SSMEM1: variants seen among roughly 807,000 people sequenced by gnomAD.
SSMEM1 encodes serine rich single-pass membrane protein 1, also known as serine-rich single-pass membrane protein 1.
In SSMEM1, 12 loss-of-function variants were observed where a neutral mutation model predicts 9.9. That is an observed-to-expected ratio of 1.21 (90% CI 0.78 to 1.96). The LOEUF (loss-of-function observed/expected upper bound fraction) is 1.96. SSMEM1 is among the 30% of genes most tolerant of loss of function. The pLI is 0.00. For synonymous variants in SSMEM1, 96 were observed against 98.9 expected (o/e 0.97, Z 0.17); for missense variants, 259 against 292.2 (o/e 0.89, Z 0.83).
upstream of SSMEM1, among the ~76,000 whole-genome samples, chr7:130,206,219 C>G (rs907361034): frequency 1.3e-5 from 2 of 152,194 alleles, no homozygotes; most frequent in Non-Finnish European, 2.9e-5. Context: ...GAAAATAAGA[C>G]CTTCCTGGTT....
intron 1 of SSMEM1, 69 bp from the exon 2 acceptor site, chr7:130,213,411 T>G (rs6969994): frequency 0.24 from 311,112 of 1,314,724 alleles, 39,884 homozygotes; most frequent in African/African-American, 0.36. Flanking sequence ...AGCAATAGTG[T>G]TTTATAACAA....
In SSMEM1 at chr7:130,216,582, C is replaced by G; in HGVS notation, c.*112C>G. ...TTTTACAACAAAGTCTCTCTACCAA[C>G]AAACAAAAACATACTTGGAACCCAA... On this transcript the variant is annotated 3_prime_UTR_variant, in exon 3 of 3. Transcript: ENST00000297819. 1.6e-6 allele frequency: 2 copies of G among 1,287,756 alleles called. No homozygotes were observed. Among genetic ancestry groups the G allele is most frequent in the Non-Finnish European group, 2.1e-6 (2 of 939,196 alleles). 79.8% of individuals were successfully genotyped at this position (1,287,756 alleles called of 1,614,324 possible).
At chr7:130,212,730 A>AAAAAAC (rs985468480) in intron 1 of SSMEM1, among the ~76,000 whole-genome samples, 1 of 152,040 alleles carries the variant, frequency 6.6e-6, no homozygotes, top group African/African-American at 2.4e-5. Flanking sequence ...CGTCTCAAAA[A>AAAAAAC]AAAAACAAAA....
intron 2 of SSMEM1, 54 bp from the exon 3 acceptor site, chr7:130,215,920 G>A: frequency 1.3e-6 from 2 of 1,583,548 alleles, no homozygotes; most frequent in Non-Finnish European, 1.7e-6. Flanking sequence ...TAAGTAATAG[G>A]AATTCATAGT....
upstream of SSMEM1, chr7:130,207,015 G>T: frequency 6.2e-6 from 1 of 161,424 alleles, no homozygotes; most frequent in Non-Finnish European, 1.4e-5. Context: ...TAGAATACCG[G>T]TTTCCCACCC....
chr7:130,208,667 T>C (rs2633380), intron 1 of SSMEM1, among the ~76,000 whole-genome samples: 151,243 of 152,332 alleles, frequency 0.99, 75,086 homozygotes, highest in Middle Eastern at 1. Context: ...ATCAAAGATA[T>C]GAAAGTTGTC....
At chr7:130,208,224 A>T (rs1271286030) in intron 1 of SSMEM1, 131 bp downstream of exon 1, 2 of 867,382 alleles carry the variant, frequency 2.3e-6, no homozygotes. Flanking sequence ...ATGCAATCTT[A>T]TTCTGGAGAA....
In SSMEM1 at chr7:130,216,130, A is replaced by G. The variant is rs751525166; in HGVS notation, c.395A>G (p.Gln132Arg). 4 of 1,614,230 alleles carry G rather than the reference A, an allele frequency of 2.5e-6. No individual in the cohort carries two copies. The highest frequency in any genetic ancestry group is 3.4e-6 in the Non-Finnish European group (4 of 1,180,046). Reference sequence around the variant, plus strand: ...CCTGAACAAAGACGAGCCAGGCGCCAGTCTCAGTTCAATGAGGTGAACCAG... The same window carrying G: ...CCTGAACAAAGACGAGCCAGGCGCCGGTCTCAGTTCAATGAGGTGAACCAG... ...AYPEQRRARRQSQFNEVNQNQ... is the reference protein window; with the variant it reads ...AYPEQRRARRRSQFNEVNQNQ... Residue 132 changes from glutamine (Q) to arginine (R), a missense_variant, in exon 3 of 3, where the codon CAG becomes CGG. Gln to Arg is a conservative substitution (Grantham distance 43). Coordinates refer to ENST00000297819, the MANE Select transcript of SSMEM1 (RefSeq NM_145268.4).
At chr7:130,209,438 C>T (rs1018392526) in intron 1 of SSMEM1, among the ~76,000 whole-genome samples, 1 of 152,102 alleles carries the variant, frequency 6.6e-6, no homozygotes, top group African/African-American at 2.4e-5. Context: ...AAATACTTTG[C>T]CAAAAGGAGA....
intron 1 of SSMEM1, among the ~76,000 whole-genome samples, chr7:130,209,120 C>T (rs1798543637): frequency 6.6e-6 from 1 of 152,178 alleles, no homozygotes. Flanking sequence ...GCTTTGGCCT[C>T]CCAAAGTGCT....
At chr7:130,206,753 G>C (rs897582043), upstream of SSMEM1, 3 of 152,774 alleles carry the variant, frequency 2.0e-5, no homozygotes, top group Non-Finnish European at 4.4e-5. Context: ...TTGGGAGGCC[G>C]AGGCGGGCGG....
At position 130,213,484 on chromosome 7, in the gene SSMEM1, C is replaced by CT. The variant is rs771079113; in HGVS notation, c.189dup (p.Glu64Ter). The CT allele has an allele frequency of 6.2e-6, 10 of 1,609,222 alleles. No individual in the cohort carries two copies. Among genetic ancestry groups the CT allele is most frequent in the Non-Finnish European group, 8.5e-6 (10 of 1,177,232 alleles). On this transcript the variant is annotated frameshift_variant, in exon 2 of 3. Coordinates refer to ENST00000297819, the MANE Select transcript of SSMEM1 (RefSeq NM_145268.4). LOFTEE classifies it low-confidence loss of function (END_TRUNC). ...TAACCTATGTTTCTGAAACAGATGT[C>CT]TGAGGATAAAAAGGATGAAGGCAGT...
At chr7:130,212,948 C>T (rs1403970157) in intron 1 of SSMEM1, among the ~76,000 whole-genome samples, 1 of 152,098 alleles carries the variant, frequency 6.6e-6, no homozygotes, top group Non-Finnish European at 1.5e-5. Flanking sequence ...AAAGCATAGT[C>T]TTAATGGGAA....
At chr7:130,213,704 A>C (rs1314739580) in intron 2 of SSMEM1, among the ~76,000 whole-genome samples, 170 bp downstream of exon 2, 3 of 149,262 alleles carry the variant, frequency 2.0e-5, no homozygotes, top group South Asian at 2.1e-4. Context: ...AAAAAAAAAA[A>C]AAAAAAAAAA....
chr7:130,211,928 C>T (rs1345448096), intron 1 of SSMEM1, among the ~76,000 whole-genome samples: 2 of 152,006 alleles, frequency 1.3e-5, no homozygotes, highest in African/African-American at 4.8e-5. Context: ...TATAATTGTA[C>T]CATAATTTAC....
Position 130,216,548 on chromosome 7 carries a change from TGAG to T in SSMEM1, c.*82_*84del, listed in dbSNP as rs1416767646. 44 of 1,500,130 alleles carry T rather than the reference TGAG, an allele frequency of 2.9e-5. No homozygotes were observed. The highest frequency in any genetic ancestry group is 3.9e-5 in the Non-Finnish European group (44 of 1,117,086). 92.9% of individuals were successfully genotyped at this position (1,500,130 alleles called of 1,614,324 possible). A position where few individuals can be genotyped will look rare whatever the true frequency, so the allele number is the denominator to read the frequency against. On this transcript the variant is annotated 3_prime_UTR_variant, in exon 3 of 3. Coordinates refer to ENST00000297819, the MANE Select transcript of SSMEM1 (RefSeq NM_145268.4). ...CATGAAAAATCACCAGAGCTATAGG[TGAG>T]GAGACTTTTACAACAAAGTCTCTCT... is the stretch of plus-strand genomic sequence containing the variant.
chr7:130,205,574 A>G (rs765934639), upstream of SSMEM1: 11 of 736,484 alleles, frequency 1.5e-5, no homozygotes, highest in Non-Finnish European at 1.8e-5. Context: ...TGCGGCTCCC[A>G]CTCAGCTGCG....
chr7:130,208,087 TG>T lies in SSMEM1; in HGVS notation c.178del (p.Val60SerfsTer18). 1.2e-6 allele frequency: 2 copies of T among 1,609,546 alleles called. No homozygotes were observed. Among genetic ancestry groups the T allele is most frequent in the Non-Finnish European group, 8.5e-7 (1 of 1,178,740 alleles). ...TCCTGATGTTCTTCTCTAGGGCTTC[TG>T]TCTGGGTAGGATATCTTTTTTTCAT... Reference protein sequence around the residue: ...FVLMFFSRASVWMSEDKKDEG... With the variant: ...FVLMFFSRASXWMSEDKKDEG... On this transcript the variant is annotated frameshift_variant, in exon 1 of 3. Transcript: ENST00000297819. LOFTEE classifies it high-confidence loss of function.
At chr7:130,212,742 CAAAAACAA>C (rs1242055083) in intron 1 of SSMEM1, among the ~76,000 whole-genome samples, 2 of 150,638 alleles carry the variant, frequency 1.3e-5, no homozygotes, top group Non-Finnish European at 3.0e-5. Context: ...AAAACAAAAA[CAAAAACAA>C]AAAAACAAAA....
Sources: allele counts gnomAD v4.1 joint callset (sites outside exome capture counted in the v4.1 genomes callset), GRCh38; gene constraint gnomAD v4.1.1; transcripts MANE v1.5; gene names NCBI Gene and HGNC (gene_info 2026-07-23, HGNC 2026-07-21).